The following NBEA variants were observed in gnomAD, a reference collection of about 807,000 sequenced individuals.
NBEA encodes lysosomal-trafficking regulator 2.
In NBEA, 44 loss-of-function variants were observed where a neutral mutation model predicts 343.4. The ratio of observed to expected loss-of-function variants is 0.13; its 90% CI spans 0.10 to 0.16. The LOEUF (loss-of-function observed/expected upper bound fraction) is 0.16. Among genes scored for constraint, NBEA ranks in the 10% least tolerant of loss-of-function variants. The probability of loss-of-function intolerance (pLI) is 1.00; values close to 1 mark genes in which losing one functional copy is unlikely to be tolerated. For synonymous variants in NBEA, 1,175 were observed against 1,238.7 expected, an observed-to-expected ratio of 0.95 and a Z score of 1.08; for missense variants, 2,555 against 3,631.3, an observed-to-expected ratio of 0.70 and a Z score of 7.62.
At chr13:35,316,172 A>T (rs747805650) in intron 36 of NBEA, among the ~76,000 whole-genome samples, 1 of 152,004 alleles carries the variant, frequency 6.6e-6, no homozygotes, top group East Asian at 1.9e-4. Context: ...GGTTTGTTAC[A>T]TAGGTATACA....
intron 34 of NBEA, among the ~76,000 whole-genome samples, chr13:35,268,741 C>A (rs1275774958): frequency 2.0e-5 from 3 of 151,650 alleles, no homozygotes; most frequent in African/African-American, 7.3e-5. Context: ...TGTAGGAGAA[C>A]AAGTAAAAAG....
At chr13:35,273,301 C>T (rs2034313041) in intron 34 of NBEA, among the ~76,000 whole-genome samples, 1 of 152,108 alleles carries the variant, frequency 6.6e-6, no homozygotes, top group African/African-American at 2.4e-5. Flanking sequence ...TTCTTTGAAA[C>T]CAATGAGAAC....
intron 49 of NBEA, among the ~76,000 whole-genome samples, chr13:35,634,691 C>T (rs1284822073): frequency 1.3e-5 from 2 of 152,154 alleles, no homozygotes; most frequent in African/African-American, 4.8e-5. Flanking sequence ...TAGATATACA[C>T]ATTTATTTAT....
At chr13:34,990,393 G>T (rs1270947273) in intron 1 of NBEA, among the ~76,000 whole-genome samples, 1 of 151,118 alleles carries the variant, frequency 6.6e-6, no homozygotes, top group Non-Finnish European at 1.5e-5. Context: ...TGCCCTCTAT[G>T]CCCCCACAGG....
intron 1 of NBEA, among the ~76,000 whole-genome samples, chr13:34,979,544 T>A (rs552250909): frequency 6.6e-6 from 1 of 151,958 alleles, no homozygotes. Context: ...GAAAAACAAT[T>A]TTCCCCTGGG....
chr13:35,185,554 A>G lies in NBEA; in HGVS notation c.4927+1483A>G, dbSNP rs559743399. 3.9e-5 allele frequency: 6 copies of G among 152,300 alleles called. No individual in the cohort carries two copies. In the South Asian group the frequency reaches 1.2e-3, roughly 32 times the overall value. The allele number at this position is 152,300 out of a possible 1,614,324, so 9.4% of individuals were successfully genotyped here. On this transcript the variant is annotated intron_variant, in intron 30 of 58. Coordinates refer to ENST00000379939, the MANE Select transcript of NBEA (RefSeq NM_001385012.1). ...AAAAAGGATGAGATTGTCAGCAAAC[A>G]TCACCTGGAGTTTGTCTGGTGGAGT...
intron 37 of NBEA, among the ~76,000 whole-genome samples, 161 bp downstream of exon 37, chr13:35,349,377 A>C (rs1415255221): frequency 6.6e-6 from 1 of 152,118 alleles, no homozygotes; most frequent in East Asian, 1.9e-4. Flanking sequence ...ACAGAGTACT[A>C]ATATATTTTC....
At chr13:35,615,672 A>T (rs2082709780) in intron 48 of NBEA, among the ~76,000 whole-genome samples, 1 of 152,130 alleles carries the variant, frequency 6.6e-6, no homozygotes, top group Admixed American at 6.5e-5. Flanking sequence ...CATGCCAAAT[A>T]CCACCACCTT....
At chr13:35,556,758 C>A (rs2079589715) in intron 44 of NBEA, among the ~76,000 whole-genome samples, 1 of 152,046 alleles carries the variant, frequency 6.6e-6, no homozygotes. Flanking sequence ...CTTATATTCG[C>A]AAATATAAAT....
intron 1 of NBEA, among the ~76,000 whole-genome samples, chr13:34,971,671 G>C (rs1161319713): frequency 6.6e-6 from 1 of 152,010 alleles, no homozygotes; most frequent in Non-Finnish European, 1.5e-5. Flanking sequence ...ATTTTTTTAT[G>C]TTGAGCCAAC....
chr13:35,529,245 C>A (rs1218862453), intron 41 of NBEA, among the ~76,000 whole-genome samples: 1 of 152,150 alleles, frequency 6.6e-6, no homozygotes, highest in Non-Finnish European at 1.5e-5. Context: ...TTCATATTTT[C>A]AGTAGTGACA....
intron 10 of NBEA, among the ~76,000 whole-genome samples, chr13:35,098,021 C>T (rs374893292): frequency 0.01 from 1,531 of 151,918 alleles, 10 homozygotes; most frequent in Middle Eastern, 0.024. Context: ...TATAAATATA[C>T]GTAGAGATAA....
At chr13:35,100,486 A>T (rs528263677) in intron 11 of NBEA, among the ~76,000 whole-genome samples, 24 of 152,148 alleles carry the variant, frequency 1.6e-4, no homozygotes, top group African/African-American at 4.8e-4. Context: ...GCTACATTTA[A>T]CATGAATTTG....
intron 39 of NBEA, among the ~76,000 whole-genome samples, chr13:35,446,158 A>T (rs2046027997): frequency 6.6e-6 from 1 of 151,890 alleles, no homozygotes; most frequent in Non-Finnish European, 1.5e-5. Flanking sequence ...ATCCTTTTTT[A>T]TGGCTGCATA....
chr13:35,645,308 A>G (rs1193344721), intron 49 of NBEA, among the ~76,000 whole-genome samples: 1 of 152,240 alleles, frequency 6.6e-6, no homozygotes, highest in Non-Finnish European at 1.5e-5. Flanking sequence ...AGTAAATATC[A>G]TGCTTCTCCT....
At chr13:35,585,764 C>T (rs572639230) in intron 46 of NBEA, among the ~76,000 whole-genome samples, 2 of 152,180 alleles carry the variant, frequency 1.3e-5, no homozygotes, top group East Asian at 3.9e-4. Flanking sequence ...CGTGATTATT[C>T]ACTCAGCTGC....
intron 36 of NBEA, among the ~76,000 whole-genome samples, chr13:35,336,965 G>C (rs1383169084): frequency 3.3e-5 from 5 of 151,954 alleles, no homozygotes; most frequent in African/African-American, 1.2e-4. Flanking sequence ...CCAAACCCCT[G>C]TGACATGCAG....
chr13:35,465,244 A>G (rs1347459041), intron 40 of NBEA, among the ~76,000 whole-genome samples: 1 of 152,168 alleles, frequency 6.6e-6, no homozygotes, highest in Admixed American at 6.5e-5. Flanking sequence ...ACACTGGTAT[A>G]TATCATTTTC....
At chr13:35,345,360 A>G (rs1437722703) in intron 36 of NBEA, among the ~76,000 whole-genome samples, 1 of 152,120 alleles carries the variant, frequency 6.6e-6, no homozygotes, top group African/African-American at 2.4e-5. Context: ...TATGTGAGAT[A>G]AAATGGTTTG....
Sources: allele counts gnomAD v4.1 joint callset (sites outside exome capture counted in the v4.1 genomes callset), GRCh38; gene constraint gnomAD v4.1.1; transcripts MANE v1.5; gene names NCBI Gene and HGNC (gene_info 2026-07-23, HGNC 2026-07-21).